The following CCR7 variants were observed in gnomAD, a reference collection of about 807,000 sequenced individuals.
CCR7 encodes C-C motif chemokine receptor 7, also known as C-C chemokine receptor type 7.
In CCR7, 11 loss-of-function variants were observed where a neutral mutation model predicts 26.0. That is an observed-to-expected ratio of 0.42 (90% confidence interval 0.27 to 0.70). The LOEUF (loss-of-function observed/expected upper bound fraction) is 0.70, where lower values mean the gene tolerates loss of function less well. Among genes scored for constraint, CCR7 ranks in the 30% least tolerant of loss-of-function variants. The probability of loss-of-function intolerance (pLI) is 0.23; values close to 1 mark genes in which losing one functional copy is unlikely to be tolerated. For synonymous variants in CCR7, 189 were observed against 202.1 expected, an observed-to-expected ratio of 0.94 and a Z score of 0.55; for missense variants, 360 against 504.0, an observed-to-expected ratio of 0.71 and a Z score of 2.74.
chr17:40,558,915 A>ACCACCAGCACGCTTT lies in CCR7; in HGVS notation c.23_37dup (p.Val12_Val13insGluSerValLeuVal). 1 of 1,613,602 alleles carries ACCACCAGCACGCTTT rather than the reference A, an allele frequency of 6.2e-7. No individual in the cohort carries two copies. Among genetic ancestry groups the ACCACCAGCACGCTTT allele is most frequent in the South Asian group, 1.1e-5 (1 of 91,020 alleles). On this transcript the variant is annotated inframe_insertion, in exon 2 of 3. Coordinates refer to ENST00000246657, the MANE Select transcript of CCR7 (RefSeq NM_001838.4). ...CACCTGGAAAATGACAAGGAGAGCC[A>ACCACCAGCACGCTTT]CCACCAGCACGCTTTTCATTGGTTT...
chr17:40,555,399 C>A lies in CCR7; in HGVS notation c.480G>T (p.Gln160His). ...CACGGTGGCGGTGAGCTGAGACAGC[C>A]TGGACGATGGCCACGTAGCGGTCAA... ...ISIDRYVAIVQAVSAHRHRAR... is the reference protein window; with the variant it reads ...ISIDRYVAIVHAVSAHRHRAR... Residue 160 changes from glutamine to histidine, a missense_variant, in exon 3 of 3, where the codon CAG (glutamine) becomes CAT (histidine). Physicochemically the swap from Gln to His is conservative, Grantham distance 24. Transcript: ENST00000246657. This position sits in a 1 kb window ranked among gnomAD's most constrained non-coding sequence, Gnocchi z 5.6. 6.2e-7 allele frequency: 1 copy of A among 1,614,032 alleles called. No individual in the cohort carries two copies. Among genetic ancestry groups the A allele is most frequent in the South Asian group, 1.1e-5 (1 of 91,080 alleles).
At position 40,555,824 on chromosome 17, in the gene CCR7, G is replaced by T. The variant is rs577376826; in HGVS notation, c.61-6C>A. The T allele has an allele frequency of 6.2e-7, 1 of 1,604,592 alleles. No homozygotes were observed. Among genetic ancestry groups the T allele is most frequent in the East Asian group, 2.2e-5 (1 of 44,780 alleles). On this transcript the variant is annotated splice_polypyrimidine_tract_variant and splice_region_variant and intron_variant, in intron 2 of 2. Coordinates refer to ENST00000246657, the MANE Select transcript of CCR7 (RefSeq NM_001838.4). The surrounding 1 kb of genome is among the most constrained non-coding windows in gnomAD (Gnocchi z 5.6). Reference sequence around the variant, plus strand: ...TCATCTTGACACAGGCATACCTTCGGGGAAGGAAATGAGGGAAAACAGGCC... The same window carrying T: ...TCATCTTGACACAGGCATACCTTCGTGGAAGGAAATGAGGGAAAACAGGCC...
chr17:40,554,822 G>C lies in CCR7; in HGVS notation c.1057C>G (p.Arg353Gly), dbSNP rs746812817. Residue 353 changes from arginine to glycine, a missense_variant, in exon 3 of 3, where the codon CGG becomes GGG. By Grantham distance (125) the Arg-to-Gly change is moderately radical (BLOSUM62 -2). Transcript: ENST00000246657. ...ATGTGCCGACAGGAAGACCACTGCC[G>C]GAGCTGCTCCTGGCTGAGGCAGCCC... ...DLGCLSQEQLRQWSSCRHIRR... is the reference protein window; with the variant it reads ...DLGCLSQEQLGQWSSCRHIRR... 2 of 1,614,182 alleles carry C rather than the reference G, an allele frequency of 1.2e-6. No individual in the cohort carries two copies. Among genetic ancestry groups the C allele is most frequent in the East Asian group, 4.5e-5 (2 of 44,882 alleles).
In CCR7 at chr17:40,554,554, G is replaced by A; in HGVS notation, c.*188C>T. On this transcript the variant is annotated 3_prime_UTR_variant, in exon 3 of 3. Coordinates refer to ENST00000246657, the MANE Select transcript of CCR7 (RefSeq NM_001838.4). Reference sequence around the variant, plus strand: ...TAGCTTATCAGCCCTGTCTTTTTTTGGCATTGGTTGAGGTAGCTGGGATTG... The same window carrying A: ...TAGCTTATCAGCCCTGTCTTTTTTTAGCATTGGTTGAGGTAGCTGGGATTG... 1 of 629,264 alleles carries A rather than the reference G, an allele frequency of 1.6e-6. No individual in the cohort carries two copies. Among genetic ancestry groups the A allele is most frequent in the Non-Finnish European group, 2.8e-6 (1 of 354,538 alleles). 39.0% of individuals were successfully genotyped at this position (629,264 alleles called of 1,614,324 possible). A position where few individuals can be genotyped will look rare whatever the true frequency, so the allele number is the denominator to read the frequency against.
In CCR7 at chr17:40,557,444, T is replaced by C. The variant is rs80077320; in HGVS notation, c.60+1449A>G. Among the ~76,000 whole-genome samples, 19 of 152,372 alleles carry C rather than the reference T, an allele frequency of 1.2e-4. No individual in the cohort carries two copies. The East Asian group carries it at 3.7e-3, about 29-fold the overall frequency. On this transcript the variant is annotated intron_variant, in intron 2 of 2. Transcript: ENST00000246657. ...TCTTTTTCACACCCAGGTTCTGGATTCATCACTGTCCTGCTTGGGAACATG... is the reference window on the plus strand; with the variant it reads ...TCTTTTTCACACCCAGGTTCTGGATCCATCACTGTCCTGCTTGGGAACATG...
chr17:40,558,764 A>C (rs2036619986), intron 2 of CCR7, 129 bp downstream of exon 2: 1 of 773,660 alleles, frequency 1.3e-6, no homozygotes, highest in South Asian at 1.5e-5. Context: ...CCATTAGCTT[A>C]ATGAGTGGCA....
chr17:40,555,279 C>T lies in CCR7; in HGVS notation c.600G>A (p.Gln200=). Residue 200 remains glutamine (Q), a synonymous_variant, in exon 3 of 3, where the codon CAG becomes CAA. Transcript: ENST00000246657. This position sits in a 1 kb window ranked among gnomAD's most constrained non-coding sequence, Gnocchi z 5.6. ...GCATCGCTTGCTCACTGCTGCTCCTCTGGAGGTCACTGTACAGGAGCTCTG... is the reference window on the plus strand; with the variant it reads ...GCATCGCTTGCTCACTGCTGCTCCTTTGGAGGTCACTGTACAGGAGCTCTG... ...SIPELLYSDL[Q]RSSSEQAMRC... 1.9e-6 allele frequency: 3 copies of T among 1,614,176 alleles called. No individual in the cohort carries two copies. The highest frequency in any genetic ancestry group is 2.5e-6 in the Non-Finnish European group (3 of 1,180,026).
intron 1 of CCR7, among the ~76,000 whole-genome samples, chr17:40,563,713 A>G (rs1313809497): frequency 6.6e-6 from 1 of 152,068 alleles, no homozygotes; most frequent in Non-Finnish European, 1.5e-5. Context: ...TCTCAAGTTG[A>G]GTGAAGTGGC....
Position 40,554,891 on chromosome 17 carries a change from C to T in CCR7, c.988G>A (p.Gly330Ser), listed in dbSNP as rs752234593. 5 of 1,614,124 alleles carry T rather than the reference C, an allele frequency of 3.1e-6. No individual in the cohort carries two copies. Among genetic ancestry groups the T allele is most frequent in the Non-Finnish European group, 4.2e-6 (5 of 1,180,018 alleles). ...CVNPFLYAFI[G>S]VKFRNDLFKL... ...AAGAGATCGTTGCGGAACTTGACGCCGATGAAGGCGTACAAGAAAGGGTTG... is the reference window on the plus strand; with the variant it reads ...AAGAGATCGTTGCGGAACTTGACGCTGATGAAGGCGTACAAGAAAGGGTTG... Residue 330 changes from glycine (G) to serine (S), a missense_variant, in exon 3 of 3, where the codon GGC becomes AGC. Transcript: ENST00000246657.
rs1242577184 is a variant in CCR7 at position 40,555,746 on chromosome 17, C to T, written c.133G>A (p.Glu45Lys). 6.2e-6 allele frequency: 10 copies of T among 1,614,112 alleles called. No individual in the cohort carries two copies. Among genetic ancestry groups the T allele is most frequent in the South Asian group, 1.1e-5 (1 of 91,062 alleles). ...ACGTCCTTCTTGGAGCACAAAGACT[C>T]GAACAAAGTGTAGTCCACTGTGGTG... ...DNTTVDYTLF[E>K]SLCSKKDVRN... The change falls in exon 3 of 3, where the codon GAG becomes AAG. Residue 45 changes from glutamate (E) to lysine (K), a missense_variant. Glu to Lys is a moderately conservative substitution (Grantham distance 56). Transcript: ENST00000246657. The surrounding 1 kb of genome is among the most constrained non-coding windows in gnomAD (Gnocchi z 5.6).
intron 1 of CCR7, among the ~76,000 whole-genome samples, chr17:40,560,187 G>A (rs947299981): frequency 2.0e-5 from 3 of 152,226 alleles, no homozygotes; most frequent in African/African-American, 7.2e-5. Context: ...AGTTGACAGA[G>A]TAATTTGCCT....
intron 1 of CCR7, among the ~76,000 whole-genome samples, chr17:40,564,192 G>A (rs551989374): frequency 3.3e-4 from 50 of 152,276 alleles, no homozygotes; most frequent in African/African-American, 1.1e-3. Context: ...TAAACTCTAC[G>A]GAGTTCTTGA....
At position 40,558,908 on chromosome 17, in the gene CCR7, G is replaced by A. The variant is rs2036622567; in HGVS notation, c.45C>T (p.Leu15=). 1.2e-6 allele frequency: 2 copies of A among 1,613,830 alleles called. No homozygotes were observed. Among genetic ancestry groups the A allele is most frequent in the Non-Finnish European group, 1.7e-6 (2 of 1,179,820 alleles). ...AGAACCTCACCTGGAAAATGACAAG[G>A]AGAGCCACCACCAGCACGCTTTTCA... ...KPMKSVLVVA[L]LVIFQVCLCQ... Residue 15 remains leucine (L), a synonymous_variant, in exon 2 of 3, where the codon CTC becomes CTT. Transcript: ENST00000246657.
At position 40,555,791 on chromosome 17, in the gene CCR7, C is replaced by A. The variant is rs781615646; in HGVS notation, c.88G>T (p.Asp30Tyr). 17 of 1,613,716 alleles carry A rather than the reference C, an allele frequency of 1.1e-5. No homozygotes were observed. The highest frequency in any genetic ancestry group is 1.4e-5 in the Non-Finnish European group (16 of 1,179,802). ...GTGGTGTTGTCTCCGATGTAATCGT[C>A]CGTGACCTCATCTTGACACAGGCAT... is the stretch of plus-strand genomic sequence containing the variant. Reference protein sequence around the residue: ...QVCLCQDEVTDDYIGDNTTVD... With the variant: ...QVCLCQDEVTYDYIGDNTTVD... Residue 30 changes from aspartate to tyrosine, a missense_variant, in exon 3 of 3, where the codon GAC becomes TAC. Physicochemically the swap from Asp to Tyr is radical, Grantham distance 160. Transcript: ENST00000246657. The surrounding 1 kb of genome is among the most constrained non-coding windows in gnomAD (Gnocchi z 5.6).
Position 40,555,948 on chromosome 17 carries a change from C to T in CCR7, c.61-130G>A. On this transcript the variant is annotated intron_variant, in intron 2 of 2. Coordinates refer to ENST00000246657, the MANE Select transcript of CCR7 (RefSeq NM_001838.4). The surrounding 1 kb of genome is among the most constrained non-coding windows in gnomAD (Gnocchi z 5.6). ...TGAGACATGGTCTCACTCTGTTGCC[C>T]AGGCTGGAGTGCAGTGGTGCAATCA... is the stretch of plus-strand genomic sequence containing the variant. The T allele has an allele frequency of 1.6e-6, 1 of 636,622 alleles. No homozygotes were observed. Among genetic ancestry groups the T allele is most frequent in the South Asian group, 2.0e-5 (1 of 50,616 alleles). 39.4% of individuals were successfully genotyped at this position (636,622 alleles called of 1,614,324 possible).
chr17:40,564,604 C>G (rs2036688852), intron 1 of CCR7, among the ~76,000 whole-genome samples: 1 of 152,204 alleles, frequency 6.6e-6, no homozygotes, highest in African/African-American at 2.4e-5. Context: ...ACCCTCAGTG[C>G]TTCCCCTTGA....
rs781356213 is a variant in CCR7, at chr17:40,555,317, C to T, written c.562G>A (p.Val188Met). 15 of 1,614,054 alleles carry T rather than the reference C, an allele frequency of 9.3e-6. No individual in the cohort carries two copies. The South Asian group carries it at 1.5e-4, about 17-fold the overall frequency. ...SCVGIWILATVLSIPELLYSD... is the reference protein window; with the variant it reads ...SCVGIWILATMLSIPELLYSD... ...TACAGGAGCTCTGGGATGGAGAGCA[C>T]TGTGGCTAGTATCCAGATGCCCACA... is the stretch of plus-strand genomic sequence containing the variant. Residue 188 changes from valine to methionine, a missense_variant, in exon 3 of 3, where the codon GTG becomes ATG. Physicochemically the swap from Val to Met is conservative, Grantham distance 21. Transcript: ENST00000246657. This position sits in a 1 kb window ranked among gnomAD's most constrained non-coding sequence, Gnocchi z 5.6.
rs891301210 is a variant in CCR7, at chr17:40,563,743, G to A, written c.10+1657C>T. Among the ~76,000 whole-genome samples, 7 of 152,156 alleles carry A rather than the reference G, an allele frequency of 4.6e-5. No individual in the cohort carries two copies. The East Asian group carries it at 1.4e-3, about 29-fold the overall frequency. On this transcript the variant is annotated intron_variant, in intron 1 of 2. Transcript: ENST00000246657. ...AGTGGCAAGAATATCCCTTCTTCCT[G>A]GACCAGAGATTACCCTCTCTCCCTG...
intron 2 of CCR7, among the ~76,000 whole-genome samples, chr17:40,557,091 C>T (rs1305353553): frequency 6.6e-6 from 1 of 152,200 alleles, no homozygotes; most frequent in Admixed American, 6.5e-5. Context: ...CCGCCCTCTC[C>T]CCCCACCTCT....
Sources: allele counts gnomAD v4.1 joint callset (sites outside exome capture counted in the v4.1 genomes callset), GRCh38; gene constraint gnomAD v4.1.1; non-coding constraint Gnocchi (gnomAD v3.1); transcripts MANE v1.5; gene names NCBI Gene and HGNC (gene_info 2026-07-23, HGNC 2026-07-21).